The following CCDC178 variants were observed in gnomAD, a reference collection of about 807,000 sequenced individuals.
CCDC178 encodes coiled-coil domain containing 178, also known as coiled-coil domain-containing protein 178.
CCDC178 carries 126 observed loss-of-function variants against 117.4 expected under a neutral mutation model. The observed-to-expected ratio is 1.07, with a 90% CI of 0.93 to 1.24. The LOEUF (loss-of-function observed/expected upper bound fraction) is 1.24, where lower values mean the gene tolerates loss of function less well. CCDC178 is among the 50% of genes most tolerant of loss of function. The pLI is 0.00. For synonymous variants in CCDC178, 283 were observed against 313.4 expected (o/e 0.90, Z 1.02); for missense variants, 1,030 against 986.9 (o/e 1.04, Z -0.59).
chr18:33,248,694 CTT>C (rs2144702440), intron 14 of CCDC178, among the ~76,000 whole-genome samples: 1 of 152,096 alleles, frequency 6.6e-6, no homozygotes, highest in Admixed American at 6.6e-5. Flanking sequence ...GGTTCCAAGT[CTT>C]TGCTATTTTG....
intron 15 of CCDC178, among the ~76,000 whole-genome samples, chr18:33,233,861 G>A (rs1032770338): frequency 3.9e-5 from 6 of 152,014 alleles, no homozygotes; most frequent in Non-Finnish European, 8.8e-5. Flanking sequence ...AGAAACATCT[G>A]ACTCTAAAGT....
intron 20 of CCDC178, among the ~76,000 whole-genome samples, chr18:33,134,477 A>G (rs1170628897): frequency 1.3e-5 from 2 of 152,066 alleles, no homozygotes; most frequent in East Asian, 3.9e-4. Context: ...ATTTATTGCA[A>G]TTGAGAAAAA....
chr18:32,997,161 C>G (rs1339841482), intron 21 of CCDC178, among the ~76,000 whole-genome samples: 1 of 152,074 alleles, frequency 6.6e-6, no homozygotes, highest in African/African-American at 2.4e-5. Flanking sequence ...TATTTGTACT[C>G]TGTGTGTGGG....
At chr18:33,299,770 A>G in intron 11 of CCDC178, among the ~76,000 whole-genome samples, 1 of 56,498 alleles carries the variant, frequency 1.8e-5, no homozygotes, top group East Asian at 6.8e-4. Context: ...AAACATCTCA[A>G]CAGAAAAAAA....
intron 21 of CCDC178, among the ~76,000 whole-genome samples, chr18:32,990,743 T>C (rs781075025): frequency 6.6e-6 from 1 of 151,982 alleles, no homozygotes; most frequent in African/African-American, 2.4e-5. Flanking sequence ...AGGGAAGCCA[T>C]AACTGGGAGG....
chr18:33,370,123 G>A lies in CCDC178; in HGVS notation c.275C>T (p.Pro92Leu), dbSNP rs976647667. The change falls in exon 6 of 23, where the codon CCA (proline) becomes CTA (leucine). Residue 92 changes from proline to leucine, a missense_variant. Pro to Leu is a moderately conservative substitution (Grantham distance 98, BLOSUM62 -3). Transcript: ENST00000383096. ...AATCATTTTGTTGACACAAGGTGCTGGAATATTTACTACGGCACAGCTGTG... is the reference window on the plus strand; with the variant it reads ...AATCATTTTGTTGACACAAGGTGCTAGAATATTTACTACGGCACAGCTGTG... ...RRHSCAVVNI[P>L]APCVNKMISH... 3 of 1,605,992 alleles carry A rather than the reference G, an allele frequency of 1.9e-6. No homozygotes were observed. Among genetic ancestry groups the A allele is most frequent in the Admixed American group, 1.7e-5 (1 of 58,710 alleles).
chr18:33,177,934 A>C (rs2058682702), intron 20 of CCDC178, among the ~76,000 whole-genome samples: 3 of 152,012 alleles, frequency 2.0e-5, no homozygotes, highest in Non-Finnish European at 4.4e-5. Context: ...ATGCTCATGA[A>C]ATTCTTATGT....
intron 22 of CCDC178, among the ~76,000 whole-genome samples, chr18:32,948,321 G>A (rs1328867331): frequency 6.6e-6 from 1 of 152,078 alleles, no homozygotes; most frequent in Non-Finnish European, 1.5e-5. Flanking sequence ...TGAGTCTTCT[G>A]ACTGAGAAAT....
intron 20 of CCDC178, among the ~76,000 whole-genome samples, chr18:33,146,051 T>G (rs2058263505): frequency 6.6e-6 from 1 of 151,966 alleles, no homozygotes; most frequent in African/African-American, 2.4e-5. Context: ...ATTTGATGAG[T>G]GGTCTGGTAT....
intron 21 of CCDC178, among the ~76,000 whole-genome samples, chr18:33,021,016 T>G (rs762409055): frequency 1.3e-5 from 2 of 152,326 alleles, no homozygotes; most frequent in East Asian, 3.9e-4. Context: ...ATTTCTCACG[T>G]AGGATTCAGA....
chr18:33,324,778 C>A (rs899207880), intron 10 of CCDC178, among the ~76,000 whole-genome samples: 1 of 151,682 alleles, frequency 6.6e-6, no homozygotes, highest in African/African-American at 2.4e-5. Flanking sequence ...AATAAGATTT[C>A]ATAATTGTAG....
intron 17 of CCDC178, among the ~76,000 whole-genome samples, chr18:33,223,616 T>C (rs562867608): frequency 1.9e-4 from 29 of 152,238 alleles, no homozygotes; most frequent in East Asian, 1.9e-4. Context: ...ATTTATTAAC[T>C]ATTAAAATAT....
At chr18:33,185,744 T>A (rs16964344) in intron 20 of CCDC178, among the ~76,000 whole-genome samples, 9,360 of 152,078 alleles carry the variant, frequency 0.062, 967 homozygotes, top group African/African-American at 0.21. Context: ...TAATCTTGAA[T>A]ACCCTTAACA....
chr18:33,216,084 T>C (rs887334938), intron 18 of CCDC178, among the ~76,000 whole-genome samples: 1 of 151,888 alleles, frequency 6.6e-6, no homozygotes, highest in Non-Finnish European at 1.5e-5. Flanking sequence ...GATGACAGAG[T>C]GAGACCCTGT....
chr18:33,407,299 G>A (rs535641493), intron 3 of CCDC178, among the ~76,000 whole-genome samples: 2 of 151,956 alleles, frequency 1.3e-5, no homozygotes, highest in East Asian at 3.9e-4. Context: ...TTATTTCAAG[G>A]GAAACTTACA....
intron 12 of CCDC178, among the ~76,000 whole-genome samples, chr18:33,291,112 A>T (rs2060161173): frequency 6.6e-6 from 1 of 152,142 alleles, no homozygotes; most frequent in Non-Finnish European, 1.5e-5. Context: ...CATAAATATT[A>T]AAAGCAGAAT....
intron 21 of CCDC178, among the ~76,000 whole-genome samples, chr18:33,069,776 C>G (rs1785415436): frequency 6.6e-6 from 1 of 151,684 alleles, no homozygotes; most frequent in African/African-American, 2.4e-5. Flanking sequence ...TGCAAACTAT[C>G]CAATAAAAGA....
At chr18:33,402,003 A>C (rs2063715301) in intron 3 of CCDC178, among the ~76,000 whole-genome samples, 1 of 152,158 alleles carries the variant, frequency 6.6e-6, no homozygotes, top group African/African-American at 2.4e-5. Flanking sequence ...TCTGGTATTA[A>C]TATGTTGTGG....
intron 22 of CCDC178, among the ~76,000 whole-genome samples, chr18:32,957,453 G>A (rs1216383807): frequency 6.6e-6 from 1 of 152,094 alleles, no homozygotes; most frequent in Admixed American, 6.6e-5. Context: ...CAAAACAGTG[G>A]GGGTAACATC....
Sources: allele counts gnomAD v4.1 joint callset (sites outside exome capture counted in the v4.1 genomes callset), GRCh38; gene constraint gnomAD v4.1.1; transcripts MANE v1.5; gene names NCBI Gene and HGNC (gene_info 2026-07-23, HGNC 2026-07-21).